The following UTRN variants were observed in gnomAD, a reference collection of about 807,000 sequenced individuals.
UTRN encodes the protein utrophin.
UTRN carries 283 observed loss-of-function variants against 463.9 expected under a neutral mutation model. That is an observed-to-expected ratio of 0.61 (90% confidence interval 0.55 to 0.67). UTRN has a LOEUF of 0.67. Ranked by LOEUF, UTRN falls within the 30% of genes least tolerant of loss-of-function variation. The pLI, the probability that UTRN is intolerant of heterozygous loss-of-function variation, is 0.00. For synonymous variants in UTRN, 1,442 were observed against 1,431.5 expected (o/e 1.01, Z -0.17); for missense variants, 3,922 against 4,084.3 (o/e 0.96, Z 1.08).
At chr6:144,775,531 C>G (rs919079809) in intron 60 of UTRN, among the ~76,000 whole-genome samples, 1 of 152,142 alleles carries the variant, frequency 6.6e-6, no homozygotes, top group African/African-American at 2.4e-5. Flanking sequence ...CACGCTCTGG[C>G]TACTGATCAG....
intron 70 of UTRN, 86 bp from the exon 71 acceptor site, chr6:144,836,215 T>G: frequency 1.3e-6 from 2 of 1,582,778 alleles, no homozygotes; most frequent in Non-Finnish European, 1.7e-6. Context: ...GGAACTAGCA[T>G]GAGCTAAATT....
At chr6:144,381,916 T>A (rs1444402405) in intron 2 of UTRN, among the ~76,000 whole-genome samples, 1 of 152,238 alleles carries the variant, frequency 6.6e-6, no homozygotes, top group East Asian at 1.9e-4. Context: ...CTTTAGGTCT[T>A]TGAGGAATTG....
intron 39 of UTRN, among the ~76,000 whole-genome samples, chr6:144,517,631 A>T (rs920611083): frequency 1.5e-4 from 23 of 152,214 alleles, no homozygotes; most frequent in South Asian, 4.1e-4. Context: ...TAGATCGATT[A>T]TGGTACTGTA....
At chr6:144,611,950 C>G (rs144032869) in intron 51 of UTRN, among the ~76,000 whole-genome samples, 1 of 152,202 alleles carries the variant, frequency 6.6e-6, no homozygotes, top group East Asian at 1.9e-4. Context: ...CCTAACATTC[C>G]TTGGTTATAA....
At chr6:144,614,332 CAA>C in intron 51 of UTRN, among the ~76,000 whole-genome samples, 3 of 152,026 alleles carry the variant, frequency 2.0e-5, no homozygotes, top group Admixed American at 2.0e-4. Context: ...GAAGAAGAAA[CAA>C]GAGTGAAAAG....
chr6:144,824,228 G>A (rs1414727583), intron 66 of UTRN, among the ~76,000 whole-genome samples: 1 of 151,896 alleles, frequency 6.6e-6, no homozygotes, highest in Non-Finnish European at 1.5e-5. Flanking sequence ...TATTCTGAGA[G>A]CAGTGGGGAG....
At position 144,461,222 on chromosome 6, in the gene UTRN, A is replaced by C. The variant is rs753367282; in HGVS notation, c.2733A>C (p.Ala911=). 1 of 1,599,060 alleles carries C rather than the reference A, an allele frequency of 6.3e-7. No homozygotes were observed. The highest frequency in any genetic ancestry group is 1.1e-5 in the South Asian group (1 of 87,366). ...AACTGAAGGGCCAACCTGGACATGC[A>C]TATCTGGAAACATTGAAAACACTGA... ...ENELKGQPGH[A]YLETLKTLKD... Residue 911 remains alanine (A), a synonymous_variant, in exon 22 of 75, where the codon GCA becomes GCC. Coordinates refer to ENST00000367545, the MANE Select transcript of UTRN (RefSeq NM_007124.3).
At chr6:144,758,905 C>G (rs1326257288) in intron 58 of UTRN, among the ~76,000 whole-genome samples, 1 of 152,074 alleles carries the variant, frequency 6.6e-6, no homozygotes, top group Non-Finnish European at 1.5e-5. Flanking sequence ...ATGAAGATCT[C>G]TGGGCCAAGT....
At chr6:144,630,113 A>G (rs1776355683) in intron 51 of UTRN, among the ~76,000 whole-genome samples, 2 of 152,146 alleles carry the variant, frequency 1.3e-5, no homozygotes. Context: ...GCATGAACCC[A>G]GGAGGCGGAG....
rs1797099302 is a variant in UTRN, at chr6:144,531,946, G to A, written c.6057+744G>A. Among the ~76,000 whole-genome samples, 3 of 152,026 alleles carry A rather than the reference G, an allele frequency of 2.0e-5. No individual in the cohort carries two copies. In the South Asian group the frequency reaches 6.2e-4, roughly 32 times the overall value. On this transcript the variant is annotated intron_variant, in intron 42 of 74. Transcript: ENST00000367545. ...AGGTCAGGAGATCGAGACCATCCTGGCTAACATGGTGAAAACCCATCTCTA... is the reference window on the plus strand; with the variant it reads ...AGGTCAGGAGATCGAGACCATCCTGACTAACATGGTGAAAACCCATCTCTA...
At chr6:144,539,555 A>G in intron 45 of UTRN, 112 bp downstream of exon 45, 3 of 1,016,894 alleles carry the variant, frequency 3.0e-6, no homozygotes, top group Non-Finnish European at 4.1e-6. Flanking sequence ...GGCAAATTTT[A>G]CTAAAGCTTA....
intron 33 of UTRN, 106 bp downstream of exon 33, chr6:144,493,562 G>T (rs1793271228): frequency 7.8e-7 from 1 of 1,279,262 alleles, no homozygotes; most frequent in Non-Finnish European, 1.0e-6. Context: ...TTCATTTTTT[G>T]GAAAATGCAT....
chr6:144,543,022 T>C (rs1798108028), intron 46 of UTRN, 152 bp downstream of exon 46: 1 of 716,110 alleles, frequency 1.4e-6, no homozygotes, highest in Non-Finnish European at 2.2e-6. Flanking sequence ...GAACATCTTC[T>C]TTAAACCCAA....
intron 50 of UTRN, among the ~76,000 whole-genome samples, chr6:144,561,885 T>G (rs1799960929): frequency 6.6e-6 from 1 of 152,212 alleles, no homozygotes; most frequent in Non-Finnish European, 1.5e-5. Flanking sequence ...TTTAGTCAAA[T>G]GCACAGTACT....
In UTRN at chr6:144,438,852, A is replaced by G. The variant is rs753151613; in HGVS notation, c.1349A>G (p.Asp450Gly). The G allele has an allele frequency of 4.3e-6, 7 of 1,614,214 alleles. No individual in the cohort carries two copies. The Admixed American group carries it at 1.2e-4, about 27-fold the overall frequency. Residue 450 changes from aspartate to glycine, a missense_variant, in exon 12 of 75, where the codon GAT (aspartate) becomes GGT (glycine). By Grantham distance (94) the Asp-to-Gly change is moderately conservative. Transcript: ENST00000367545. ...RIQKMETCPLDDDVKSLQKLL... is the reference protein window; with the variant it reads ...RIQKMETCPLGDDVKSLQKLL... ...CAGAAGATGGAAACTTGCCCCCTGG[A>G]TGATGATGTAAAATCTCTACAAAAG...
chr6:144,421,629 C>T (rs1245981063), intron 3 of UTRN, among the ~76,000 whole-genome samples: 3 of 151,734 alleles, frequency 2.0e-5, no homozygotes, highest in Admixed American at 6.6e-5. Context: ...GCGGAGGTTG[C>T]AGTGAGCTGA....
chr6:144,294,340 AGGG>A (rs1284491288), intron 2 of UTRN, among the ~76,000 whole-genome samples: 4 of 152,178 alleles, frequency 2.6e-5, no homozygotes, highest in African/African-American at 9.6e-5. Context: ...GCTTCCTCTA[AGGG>A]ACTTTTTTTG....
chr6:144,738,530 G>A (rs1262373847), intron 54 of UTRN, among the ~76,000 whole-genome samples: 1 of 152,132 alleles, frequency 6.6e-6, no homozygotes, highest in Non-Finnish European at 1.5e-5. Flanking sequence ...AGGCAGGCAC[G>A]CACATGCACA....
chr6:144,785,929 AG>A (rs1336160874), intron 61 of UTRN, among the ~76,000 whole-genome samples: 1 of 152,248 alleles, frequency 6.6e-6, no homozygotes, highest in African/African-American at 2.4e-5. Context: ...CATGATATAA[AG>A]CAATAGTCTG....
Sources: gnomAD v4.1 joint callset for allele counts (sites outside exome capture counted in the v4.1 genomes callset) on GRCh38, gnomAD v4.1.1 for gene constraint, MANE v1.5 for transcripts, NCBI Gene and HGNC (gene_info 2026-07-23, HGNC 2026-07-21) for gene names.